Variants in ERBB4 observed in about 807,000 individuals in gnomAD.
ERBB4 encodes erb-b2 receptor tyrosine kinase 4, also known as receptor tyrosine-protein kinase erbB-4.
Under a neutral mutation model 158.0 loss-of-function variants are expected in ERBB4, and 42 were observed. The observed-to-expected ratio is 0.27, with a 90% CI of 0.21 to 0.34. ERBB4 has a LOEUF of 0.34. Ranked by LOEUF, ERBB4 falls within the 10% of genes least tolerant of loss-of-function variation. ERBB4 has a pLI of 1.00. For missense variants in ERBB4, 1,333 were observed against 1,624.1 expected, an observed-to-expected ratio of 0.82 and a Z score of 3.08; for synonymous variants, 583 against 558.7, an observed-to-expected ratio of 1.04 and a Z score of -0.61.
intron 20 of ERBB4, among the ~76,000 whole-genome samples, chr2:211,446,380 C>A (rs920646582): frequency 6.6e-6 from 1 of 152,126 alleles, no homozygotes; most frequent in Non-Finnish European, 1.5e-5. Context: ...AAGATACTAG[C>A]AGGTAAGTGA....
intron 1 of ERBB4, among the ~76,000 whole-genome samples, chr2:212,416,377 G>A (rs1349491571): frequency 6.6e-6 from 1 of 152,080 alleles, no homozygotes; most frequent in Non-Finnish European, 1.5e-5. Flanking sequence ...CTCTGCTAGA[G>A]AGTTCTGGCT....
intron 20 of ERBB4, among the ~76,000 whole-genome samples, chr2:211,480,183 C>A (rs1392943694): frequency 6.6e-6 from 1 of 152,134 alleles, no homozygotes; most frequent in African/African-American, 2.4e-5. Flanking sequence ...GTCCTTCATG[C>A]CCCTTCCTCT....
At chr2:211,884,079 G>T (rs1009649640) in intron 3 of ERBB4, among the ~76,000 whole-genome samples, 2 of 152,014 alleles carry the variant, frequency 1.3e-5, no homozygotes, top group African/African-American at 2.4e-5. Context: ...AAACATAATT[G>T]CTCCATGTTA....
chr2:211,633,482 A>ATTT (rs3068983), intron 16 of ERBB4, among the ~76,000 whole-genome samples: 84,974 of 126,674 alleles, frequency 0.67, 30,895 homozygotes, highest in South Asian at 0.8. Context: ...GTATTTTCTA[A>ATTT]TTTTTTTTTT....
chr2:211,981,644 T>G (rs1398538781), intron 2 of ERBB4, among the ~76,000 whole-genome samples: 8 of 152,202 alleles, frequency 5.3e-5, no homozygotes, highest in African/African-American at 1.4e-4. Flanking sequence ...CATCCTGATG[T>G]GCTTTTGAAA....
At chr2:212,117,049 A>C (rs76251148) in intron 2 of ERBB4, among the ~76,000 whole-genome samples, 1,673 of 152,342 alleles carry the variant, frequency 0.011, 26 homozygotes, top group African/African-American at 0.038. Flanking sequence ...ACACACATAC[A>C]AAATTGCATA....
intron 2 of ERBB4, among the ~76,000 whole-genome samples, chr2:212,041,621 C>G (rs1228922128): frequency 1.3e-5 from 2 of 150,242 alleles, no homozygotes; most frequent in African/African-American, 2.4e-5. Flanking sequence ...ATCTCATACT[C>G]AAATTACCGC....
At chr2:212,496,187 AT>A (rs1690557332) in intron 1 of ERBB4, among the ~76,000 whole-genome samples, 1 of 139,396 alleles carries the variant, frequency 7.2e-6, no homozygotes, top group South Asian at 2.1e-4. Flanking sequence ...TGTTTAAAAC[AT>A]TTTAGGATGA....
chr2:211,846,503 G>T (rs968320536), intron 3 of ERBB4, among the ~76,000 whole-genome samples: 2 of 151,966 alleles, frequency 1.3e-5, no homozygotes, highest in Admixed American at 1.3e-4. Flanking sequence ...AAAAGAGAGC[G>T]CTATGAAAAA....
chr2:212,130,365 C>T (rs1033812242), intron 1 of ERBB4, among the ~76,000 whole-genome samples: 1 of 152,060 alleles, frequency 6.6e-6, no homozygotes, highest in Admixed American at 6.6e-5. Flanking sequence ...AGCTATACTT[C>T]CAAACACAGG....
At chr2:211,852,223 A>G (rs900248694) in intron 3 of ERBB4, among the ~76,000 whole-genome samples, 3 of 151,964 alleles carry the variant, frequency 2.0e-5, no homozygotes, top group Non-Finnish European at 2.9e-5. Flanking sequence ...TGTTGAAGCC[A>G]TGGAAAAGCT....
chr2:211,616,690 T>G (rs1283925020), intron 19 of ERBB4, among the ~76,000 whole-genome samples: 1 of 152,126 alleles, frequency 6.6e-6, no homozygotes, highest in Non-Finnish European at 1.5e-5. Context: ...AAACTGCATT[T>G]TAATCATTGT....
Position 211,630,548 on chromosome 2 carries a change from C to T in ERBB4, c.1993G>A (p.Val665Ile), listed in dbSNP as rs1466213397. The T allele has an allele frequency of 5.6e-6, 9 of 1,613,230 alleles. No homozygotes were observed. Among genetic ancestry groups the T allele is most frequent in the Non-Finnish European group, 6.8e-6 (8 of 1,179,812 alleles). Residue 665 changes from valine (V) to isoleucine (I), a missense_variant, in exon 17 of 28, where the codon GTC becomes ATC. Coordinates refer to ENST00000342788, the MANE Select transcript of ERBB4 (RefSeq NM_005235.3). ...ACAGCAAATGTCAGACCCACAATGA[C>T]CAGAATGAAGAGCCCACCAATTACT... The part of the protein sequence containing the change: ...AGVIGGLFIL[V>I]IVGLTFAVYV...
intron 2 of ERBB4, among the ~76,000 whole-genome samples, chr2:212,011,092 T>A (rs187728732): frequency 1.7e-3 from 260 of 152,314 alleles, no homozygotes; most frequent in African/African-American, 6.0e-3. Context: ...TACAATCAAT[T>A]TGTACAGCTA....
At chr2:212,375,067 T>C (rs1368386545) in intron 1 of ERBB4, among the ~76,000 whole-genome samples, 2 of 152,002 alleles carry the variant, frequency 1.3e-5, no homozygotes, top group Non-Finnish European at 2.9e-5. Flanking sequence ...GATAGCCTCA[T>C]ATGAATCAAT....
chr2:212,448,562 TA>T (rs1396099547), intron 1 of ERBB4, among the ~76,000 whole-genome samples: 2 of 152,040 alleles, frequency 1.3e-5, no homozygotes, highest in African/African-American at 2.4e-5. Flanking sequence ...CTGTAACATA[TA>T]AAAGGTATTA....
At chr2:211,580,971 C>G (rs1430774971) in intron 19 of ERBB4, among the ~76,000 whole-genome samples, 1 of 145,786 alleles carries the variant, frequency 6.9e-6, no homozygotes, top group Non-Finnish European at 1.5e-5. Flanking sequence ...TTGCAGTGAC[C>G]TGGATGAGAT....
At chr2:212,499,188 A>G (rs1318770397) in intron 1 of ERBB4, among the ~76,000 whole-genome samples, 1 of 152,102 alleles carries the variant, frequency 6.6e-6, no homozygotes, top group Admixed American at 6.6e-5. Flanking sequence ...TAGGTTCCTA[A>G]GAAGTCCTTC....
chr2:211,661,799 G>C (rs2071429445), intron 15 of ERBB4, among the ~76,000 whole-genome samples: 1 of 151,552 alleles, frequency 6.6e-6, no homozygotes, highest in Non-Finnish European at 1.5e-5. Context: ...CAGCACTTTG[G>C]GAGGCCGAGG....
Sources: gnomAD v4.1 joint callset for allele counts (sites outside exome capture counted in the v4.1 genomes callset) on GRCh38, gnomAD v4.1.1 for gene constraint, MANE v1.5 for transcripts, NCBI Gene and HGNC (gene_info 2026-07-23, HGNC 2026-07-21) for gene names.